Variants in TRIM36 observed in about 807,000 individuals in gnomAD.
The protein encoded by TRIM36 is E3 ubiquitin-protein ligase TRIM36.
TRIM36 carries 42 observed loss-of-function variants against 72.4 expected under a neutral mutation model. That is an observed-to-expected ratio of 0.58 (90% confidence interval 0.45 to 0.75). TRIM36 has a LOEUF of 0.75. Ranked by LOEUF, TRIM36 falls within the 30% of genes least tolerant of loss-of-function variation. The probability of loss-of-function intolerance (pLI) is 0.00; values close to 1 mark genes in which losing one functional copy is unlikely to be tolerated. For missense variants in TRIM36, 913 were observed against 857.1 expected, an observed-to-expected ratio of 1.07 and a Z score of -0.81; for synonymous variants, 315 against 282.8, an observed-to-expected ratio of 1.11 and a Z score of -1.14.
At chr5:115,156,251 C>A (rs909214167) in intron 2 of TRIM36, among the ~76,000 whole-genome samples, 5 of 151,900 alleles carry the variant, frequency 3.3e-5, no homozygotes, top group Non-Finnish European at 7.4e-5. Flanking sequence ...GAGCAATCTA[C>A]AAATTCCATG....
intron 4 of TRIM36, among the ~76,000 whole-genome samples, chr5:115,143,505 A>C (rs1020298861): frequency 6.6e-6 from 1 of 152,196 alleles, no homozygotes; most frequent in African/African-American, 2.4e-5. Flanking sequence ...ATTAAAAAAA[A>C]AAATCAAAAC....
In TRIM36 at chr5:115,133,989, A is replaced by G. The variant is rs961371828; in HGVS notation, c.1369T>C (p.Cys457Arg). 5.0e-6 allele frequency: 8 copies of G among 1,613,810 alleles called. No individual in the cohort carries two copies. Among genetic ancestry groups the G allele is most frequent in the African/African-American group, 4.0e-5 (3 of 74,912 alleles). ...DEMSWNEIEV[C>R]GTSKIIQDLE... is the part of the protein sequence containing the mutation. Reference sequence around the variant, plus strand: ...TCTTGAATTATTTTACTTGTTCCACACACTTCTATCTCATTCCATGACATT... The same window carrying G: ...TCTTGAATTATTTTACTTGTTCCACGCACTTCTATCTCATTCCATGACATT... Residue 457 changes from cysteine (C) to arginine (R), a missense_variant, in exon 8 of 10, where the codon TGT becomes CGT. Coordinates refer to ENST00000513154, the MANE Select transcript of TRIM36 (RefSeq NM_001300759.2).
chr5:115,130,567 G>A (rs764959842), intron 9 of TRIM36, 25 bp downstream of exon 9: 2 of 1,599,214 alleles, frequency 1.3e-6, no homozygotes, highest in East Asian at 4.5e-5. Flanking sequence ...AAATTATCAA[G>A]TTCTAGATCA....
chr5:115,170,711 T>A (rs747641920), upstream of TRIM36, among the ~76,000 whole-genome samples: 3 of 152,230 alleles, frequency 2.0e-5, no homozygotes, highest in Non-Finnish European at 4.4e-5. Flanking sequence ...GGGTGGAGAT[T>A]CCTCTCCCGG....
chr5:115,162,604 A>G (rs1249517215), intron 2 of TRIM36, among the ~76,000 whole-genome samples: 7 of 152,226 alleles, frequency 4.6e-5, no homozygotes, highest in Admixed American at 3.9e-4. Context: ...TATCTAGTAC[A>G]TAACTAAAAT....
At chr5:115,170,987 C>T, upstream of TRIM36, 1 of 1,454,448 alleles carries the variant, frequency 6.9e-7, no homozygotes, top group Non-Finnish European at 9.4e-7. Context: ...ATTATTAGAT[C>T]ACGCACTGCC....
chr5:115,143,077 C>A (rs568303308), intron 4 of TRIM36, among the ~76,000 whole-genome samples: 1 of 152,048 alleles, frequency 6.6e-6, no homozygotes, highest in East Asian at 1.9e-4. Context: ...CAAACAGTCT[C>A]CCATACATAT....
rs1422657090 is a variant in TRIM36 at position 115,137,620 on chromosome 5, A to C, written c.832-4T>G. The C allele has an allele frequency of 3.8e-6, 6 of 1,582,206 alleles. No individual in the cohort carries two copies. Among genetic ancestry groups the C allele is most frequent in the Non-Finnish European group, 5.1e-6 (6 of 1,168,168 alleles). On this transcript the variant is annotated splice_polypyrimidine_tract_variant and splice_region_variant and intron_variant, in intron 5 of 9. Coordinates refer to ENST00000513154, the MANE Select transcript of TRIM36 (RefSeq NM_001300759.2). ...CTTTAGCCCTCTCTCCATTACACTA[A>C]GAAAAAACAGTATCTCCATTACACT...
chr5:115,126,875 G>A lies in TRIM36; in HGVS notation c.1797-18C>T, dbSNP rs1219158674. 5 of 1,586,600 alleles carry A rather than the reference G, an allele frequency of 3.2e-6. 1 individual carries two copies. The highest frequency in any genetic ancestry group is 3.4e-6 in the Non-Finnish European group (4 of 1,165,186). ...GCTCATATCTGAAACATAATACAAAGCATCTGTATCTTCAACAATAGATCT... is the reference window on the plus strand; with the variant it reads ...GCTCATATCTGAAACATAATACAAAACATCTGTATCTTCAACAATAGATCT... On this transcript the variant is annotated intron_variant, in intron 9 of 9. Coordinates refer to ENST00000513154, the MANE Select transcript of TRIM36 (RefSeq NM_001300759.2).
At chr5:115,150,088 T>C (rs1753810224) in intron 2 of TRIM36, among the ~76,000 whole-genome samples, 1 of 152,236 alleles carries the variant, frequency 6.6e-6, no homozygotes, top group South Asian at 2.1e-4. Context: ...TTACAAATGC[T>C]AAAGAACTTT....
intron 1 of TRIM36, 115 bp downstream of exon 1, chr5:115,169,493 C>T (rs1301331378): frequency 8.4e-7 from 1 of 1,183,688 alleles, no homozygotes; most frequent in Non-Finnish European, 1.2e-6. Flanking sequence ...CCCCACACGC[C>T]TGCCTTTGCT....
At chr5:115,132,420 C>A (rs1373999955) in intron 8 of TRIM36, among the ~76,000 whole-genome samples, 1 of 151,722 alleles carries the variant, frequency 6.6e-6, no homozygotes, top group Non-Finnish European at 1.5e-5. Context: ...GTAATCCCAG[C>A]TACTACTCAG....
chr5:115,130,147 A>G (rs1174621632), intron 9 of TRIM36, among the ~76,000 whole-genome samples: 2 of 152,188 alleles, frequency 1.3e-5, no homozygotes, highest in Non-Finnish European at 2.9e-5. Flanking sequence ...CTCTTAAGAA[A>G]CTGGAAGTCT....
chr5:115,163,437 A>T (rs1414016337), intron 2 of TRIM36, 81 bp downstream of exon 2: 1 of 1,219,738 alleles, frequency 8.2e-7, no homozygotes, highest in African/African-American at 1.5e-5. Flanking sequence ...TGACAAAAAT[A>T]ATTTTCCTTC....
At chr5:115,151,600 C>T (rs1753900278) in intron 2 of TRIM36, among the ~76,000 whole-genome samples, 1 of 152,200 alleles carries the variant, frequency 6.6e-6, no homozygotes, top group African/African-American at 2.4e-5. Flanking sequence ...ATTAAACCAC[C>T]AAAGCTAAGA....
chr5:115,136,745 G>A (rs569901482), intron 7 of TRIM36, among the ~76,000 whole-genome samples: 1 of 152,106 alleles, frequency 6.6e-6, no homozygotes, highest in East Asian at 1.9e-4. Flanking sequence ...TTTCTAAAAA[G>A]CAATTTACAA....
In TRIM36 at chr5:115,133,878, G is replaced by T; in HGVS notation, c.1480C>A (p.His494Asn). ...CSPCSRELIL[H>N]TPPAPVFSFL... ...ACCATACCTGGAGCTGGAGGAGTATGAAGAATCAATTCTCTGCTGCAAGGA... is the reference window on the plus strand; with the variant it reads ...ACCATACCTGGAGCTGGAGGAGTATTAAGAATCAATTCTCTGCTGCAAGGA... The change falls in exon 8 of 10, where the codon CAT (histidine) becomes AAT (asparagine). Residue 494 changes from histidine (H) to asparagine (N), a missense_variant. By Grantham distance (68) the His-to-Asn change is moderately conservative. Coordinates refer to ENST00000513154, the MANE Select transcript of TRIM36 (RefSeq NM_001300759.2). 1 of 1,599,830 alleles carries T rather than the reference G, an allele frequency of 6.3e-7. No individual in the cohort carries two copies.
chr5:115,141,429 T>A, intron 4 of TRIM36, 55 bp from the exon 5 acceptor site: 1 of 1,319,110 alleles, frequency 7.6e-7, no homozygotes, highest in Non-Finnish European at 1.0e-6. Context: ...AGCAAAGACT[T>A]TGCAGAATTT....
chr5:115,147,161 A>C lies in TRIM36; in HGVS notation c.496T>G (p.Tyr166Asp). 6.2e-7 allele frequency: 1 copy of C among 1,614,216 alleles called. No homozygotes were observed. The highest frequency in any genetic ancestry group is 8.5e-7 in the Non-Finnish European group (1 of 1,180,030). Reference protein sequence around the residue: ...TKSCMDCSASYCNECFKIHHP... With the variant: ...TKSCMDCSASDCNECFKIHHP... ...TGAATTTTGAAGCATTCATTGCAGT[A>C]ACTTGCACTACAGTCCATGCAGCTT... Residue 166 changes from tyrosine (Y) to aspartate (D), a missense_variant, in exon 3 of 10, where the codon TAC (tyrosine) becomes GAC (aspartate). Tyr to Asp is a radical substitution (Grantham distance 160, BLOSUM62 -3). Coordinates refer to ENST00000513154, the MANE Select transcript of TRIM36 (RefSeq NM_001300759.2).
Sources: gnomAD v4.1 joint callset for allele counts (sites outside exome capture counted in the v4.1 genomes callset) on GRCh38, gnomAD v4.1.1 for gene constraint, MANE v1.5 for transcripts, NCBI Gene and HGNC (gene_info 2026-07-23, HGNC 2026-07-21) for gene names.